EML6: variants seen among roughly 807,000 people sequenced by gnomAD.
EML6 encodes EMAP like 6.
Under a neutral mutation model 240.1 loss-of-function variants are expected in EML6, and 154 were observed. The ratio of observed to expected loss-of-function variants is 0.64; its 90% CI spans 0.56 to 0.73. The LOEUF (loss-of-function observed/expected upper bound fraction) is 0.73, where lower values mean the gene tolerates loss of function less well. Among genes scored for constraint, EML6 ranks in the 30% least tolerant of loss-of-function variants. The pLI is 0.00. For missense variants in EML6, 2,964 were observed against 2,474.6 expected, an observed-to-expected ratio of 1.20 and a Z score of -4.20; for synonymous variants, 1,148 against 899.0, an observed-to-expected ratio of 1.28 and a Z score of -4.95.
At chr2:54,807,789 G>T (rs1024977923) in intron 2 of EML6, among the ~76,000 whole-genome samples, 1 of 152,232 alleles carries the variant, frequency 6.6e-6, no homozygotes, top group Non-Finnish European at 1.5e-5. Flanking sequence ...AACAGTGGCT[G>T]TGATTAACTG....
At chr2:54,922,840 A>G (rs1030959131) in intron 26 of EML6, among the ~76,000 whole-genome samples, 2 of 152,184 alleles carry the variant, frequency 1.3e-5, no homozygotes, top group African/African-American at 2.4e-5. Flanking sequence ...GGAAGCTAAA[A>G]AAGTTGAACT....
intron 11 of EML6, among the ~76,000 whole-genome samples, chr2:54,857,907 C>CT (rs1670473479): frequency 6.6e-6 from 1 of 152,226 alleles, no homozygotes; most frequent in Non-Finnish European, 1.5e-5. Flanking sequence ...GTATTAATGA[C>CT]ATTAATGCTT....
At chr2:54,816,326 T>C (rs1159186809) in intron 3 of EML6, among the ~76,000 whole-genome samples, 1 of 152,208 alleles carries the variant, frequency 6.6e-6, no homozygotes, top group Non-Finnish European at 1.5e-5. Context: ...GTTTGTGAAA[T>C]TATAGAAAAC....
rs1415523842 is a variant in EML6, at chr2:54,816,508, T to C, written c.358-279T>C. 2.6e-5 allele frequency among the ~76,000 whole-genome samples: 4 copies of C among 152,226 alleles called. No homozygotes were observed. In the South Asian group the frequency reaches 6.2e-4, roughly 24 times the overall value. ...TCAAGTTCTGTTTCTGTAGTTTCTA[T>C]TGACGTTTCAGAGATCTCCTGAGAG... On this transcript the variant is annotated intron_variant, in intron 3 of 41. Coordinates refer to ENST00000356458, the MANE Select transcript of EML6 (RefSeq NM_001039753.4).
chr2:54,760,031 G>A (rs975647856), intron 2 of EML6, among the ~76,000 whole-genome samples: 1 of 151,766 alleles, frequency 6.6e-6, no homozygotes, highest in Admixed American at 6.6e-5. Context: ...CCATTACTCT[G>A]ATGCATTAAG....
chr2:54,905,706 A>C (rs1408740392), intron 24 of EML6, among the ~76,000 whole-genome samples: 2 of 152,012 alleles, frequency 1.3e-5, no homozygotes, highest in Admixed American at 6.6e-5. Flanking sequence ...TTTCCCCAAC[A>C]CCTGGCATCT....
rs1170974888 is a variant in EML6, at chr2:54,859,566, G to A, written c.1690G>A (p.Ala564Thr). 3.2e-6 allele frequency: 5 copies of A among 1,551,136 alleles called. No homozygotes were observed. The highest frequency in any genetic ancestry group is 4.4e-6 in the Non-Finnish European group (5 of 1,146,814). ...ATTTAGAAAGTATGTGGGCCATTCTGCACATGTCACAAATGTCCGCTGGTC... is the reference window on the plus strand; with the variant it reads ...ATTTAGAAAGTATGTGGGCCATTCTACACATGTCACAAATGTCCGCTGGTC... ...AKFRKYVGHS[A>T]HVTNVRWSHD... Residue 564 changes from alanine (A) to threonine (T), a missense_variant, in exon 12 of 42, where the codon GCA (alanine) becomes ACA (threonine). Transcript: ENST00000356458.
intron 2 of EML6, among the ~76,000 whole-genome samples, chr2:54,803,051 C>T (rs1338710869): frequency 6.6e-6 from 1 of 152,066 alleles, no homozygotes; most frequent in Non-Finnish European, 1.5e-5. Context: ...CAAACACCAA[C>T]TTGCTGGATG....
At chr2:54,726,166 C>T (rs751954411) in intron 2 of EML6, among the ~76,000 whole-genome samples, 2 of 152,158 alleles carry the variant, frequency 1.3e-5, no homozygotes, top group Non-Finnish European at 2.9e-5. Context: ...GGAAGATTTT[C>T]GTCATATGGG....
chr2:54,851,297 C>T lies in EML6; in HGVS notation c.1444+1079C>T, dbSNP rs145113954. On this transcript the variant is annotated intron_variant, in intron 10 of 41. Transcript: ENST00000356458. ...GCGCGGTGGCGGGCACCTGTATTTCCAGCTACTTGGGAGGCTAAGGCGGCA... is the reference window on the plus strand; with the variant it reads ...GCGCGGTGGCGGGCACCTGTATTTCTAGCTACTTGGGAGGCTAAGGCGGCA... 2.8e-4 allele frequency among the ~76,000 whole-genome samples: 42 copies of T among 152,220 alleles called. No homozygotes were observed. In the East Asian group the frequency reaches 6.4e-3, roughly 23 times the overall value.
chr2:54,848,820 A>G (rs1006765626), intron 9 of EML6, among the ~76,000 whole-genome samples: 1 of 152,156 alleles, frequency 6.6e-6, no homozygotes, highest in African/African-American at 2.4e-5. Context: ...AAACAAAACA[A>G]AATATTCCAG....
intron 28 of EML6, among the ~76,000 whole-genome samples, chr2:54,948,443 A>G (rs1157436292): frequency 2.0e-5 from 3 of 152,170 alleles, no homozygotes; most frequent in African/African-American, 7.2e-5. Context: ...ACGCCACACC[A>G]TGGCCATCGA....
At chr2:54,792,609 C>G (rs1385003968) in intron 2 of EML6, among the ~76,000 whole-genome samples, 1 of 152,174 alleles carries the variant, frequency 6.6e-6, no homozygotes, top group Non-Finnish European at 1.5e-5. Flanking sequence ...GTTACATGAT[C>G]ACAGATGTTT....
chr2:54,907,020 G>A (rs1172092523), intron 24 of EML6, among the ~76,000 whole-genome samples: 1 of 152,160 alleles, frequency 6.6e-6, no homozygotes, highest in African/African-American at 2.4e-5. Context: ...TTGTGCCCAT[G>A]GCAACTACAG....
chr2:54,922,665 A>G (rs923799937), intron 26 of EML6, among the ~76,000 whole-genome samples: 3 of 152,306 alleles, frequency 2.0e-5, no homozygotes, highest in Middle Eastern at 6.8e-3. Context: ...AAATGAATGG[A>G]TAAGGAAATT....
intron 36 of EML6, among the ~76,000 whole-genome samples, chr2:54,963,451 T>C (rs941201947): frequency 2.6e-5 from 4 of 152,326 alleles, no homozygotes; most frequent in African/African-American, 7.2e-5. Flanking sequence ...CTTATTAACA[T>C]CGCTATTAGT....
intron 2 of EML6, among the ~76,000 whole-genome samples, chr2:54,802,965 A>G (rs1670256738): frequency 6.6e-6 from 1 of 152,172 alleles, no homozygotes; most frequent in African/African-American, 2.4e-5. Flanking sequence ...GCAAGAGTCA[A>G]CGATGGGTTT....
chr2:54,966,805 G>GAAGAAAGATGGGAA (rs1676769329), intron 38 of EML6, 195 bp from the exon 39 acceptor site: 1 of 426,808 alleles, frequency 2.3e-6, no homozygotes, highest in South Asian at 3.8e-5. Flanking sequence ...AAATGGATGA[G>GAAGAAAGATGGGAA]AAGAAAGATG....
chr2:54,771,563 G>A (rs1455518847), intron 2 of EML6, among the ~76,000 whole-genome samples: 8 of 152,228 alleles, frequency 5.3e-5, no homozygotes, highest in African/African-American at 1.4e-4. Flanking sequence ...CTTTGAAAAC[G>A]AATGCTGCTA....
Sources: gnomAD v4.1 joint callset for allele counts (sites outside exome capture counted in the v4.1 genomes callset) on GRCh38, gnomAD v4.1.1 for gene constraint, MANE v1.5 for transcripts, NCBI Gene and HGNC (gene_info 2026-07-23, HGNC 2026-07-21) for gene names.